LCA5: variants seen among roughly 807,000 people sequenced by gnomAD.
The protein encoded by LCA5 is lebercilin LCA5.
LCA5 carries 37 observed loss-of-function variants against 53.0 expected under a neutral mutation model. The ratio of observed to expected loss-of-function variants is 0.70; its 90% confidence interval spans 0.54 to 0.92. The LOEUF is 0.92. LCA5 is among the 40% of genes least tolerant of loss of function. LCA5 has a pLI of 0.00. For missense variants in LCA5, 806 were observed against 790.5 expected (o/e 1.02, Z -0.23); for synonymous variants, 303 against 282.9 (o/e 1.07, Z -0.71).
intron 3 of LCA5, among the ~76,000 whole-genome samples, chr6:79,505,426 A>G (rs765010267): frequency 7.2e-5 from 11 of 152,312 alleles, no homozygotes; most frequent in Non-Finnish European, 8.8e-5. Context: ...ACATTAAATA[A>G]TAGATATAAT....
intron 3 of LCA5, among the ~76,000 whole-genome samples, chr6:79,497,745 C>T (rs1053995121): frequency 5.3e-5 from 8 of 151,936 alleles, no homozygotes; most frequent in East Asian, 1.9e-4. Flanking sequence ...GAGGCCGACG[C>T]GGGCAGATCA....
chr6:79,537,764 T>G (rs1767200484), upstream of LCA5, among the ~76,000 whole-genome samples: 1 of 152,180 alleles, frequency 6.6e-6, no homozygotes, highest in Non-Finnish European at 1.5e-5. Context: ...TGTAAAACAC[T>G]TAACAATTGC....
At chr6:79,515,981 AC>A (rs2127681527) in intron 2 of LCA5, among the ~76,000 whole-genome samples, 1 of 152,160 alleles carries the variant, frequency 6.6e-6, no homozygotes, top group Non-Finnish European at 1.5e-5. Context: ...GGTAGCCCAA[AC>A]TGGGATATGC....
chr6:79,508,505 A>T (rs1336295441), intron 3 of LCA5, among the ~76,000 whole-genome samples: 2 of 151,630 alleles, frequency 1.3e-5, no homozygotes, highest in African/African-American at 2.4e-5. Flanking sequence ...AGGAATTGCA[A>T]CTAGCAAGAA....
intron 3 of LCA5, among the ~76,000 whole-genome samples, chr6:79,494,781 C>T (rs1049008865): frequency 6.6e-6 from 1 of 152,092 alleles, no homozygotes; most frequent in South Asian, 2.1e-4. Context: ...TATTAGGGTG[C>T]TCCAATTTTT....
chr6:79,506,100 A>AAAGTTTATT (rs1770265839), intron 3 of LCA5, among the ~76,000 whole-genome samples: 2 of 152,170 alleles, frequency 1.3e-5, no homozygotes, highest in South Asian at 4.1e-4. Context: ...CTGAAAGAAA[A>AAAGTTTATT]AAGTTTATTC....
intron 3 of LCA5, among the ~76,000 whole-genome samples, chr6:79,510,464 G>A (rs920263469): frequency 6.6e-5 from 10 of 152,014 alleles, no homozygotes; most frequent in Non-Finnish European, 1.3e-4. Flanking sequence ...ATTATACCTC[G>A]ATAAAGCTGG....
At chr6:79,520,371 AT>A (rs1397851647) in intron 1 of LCA5, among the ~76,000 whole-genome samples, 1 of 152,160 alleles carries the variant, frequency 6.6e-6, no homozygotes, top group Non-Finnish European at 1.5e-5. Flanking sequence ...CATTAAAAAA[AT>A]ACTGAAAATA....
chr6:79,487,594 G>A lies in LCA5; in HGVS notation c.1504C>T (p.Pro502Ser). Residue 502 changes from proline to serine, a missense_variant, in exon 8 of 8, where the codon CCA (proline) becomes TCA (serine). Physicochemically the swap from Pro to Ser is moderately conservative, Grantham distance 74 (BLOSUM62 -1). Coordinates refer to ENST00000369846, the MANE Select transcript of LCA5 (RefSeq NM_001122769.3). ...CTGTATGTTTTGGGGCTTCTCTCTG[G>A]GGAGTGTAGTTTTGATTCAAAATCA... ...LPDFESKLHS[P>S]ERSPKTYRFS... 1 of 1,613,924 alleles carries A rather than the reference G, an allele frequency of 6.2e-7. No individual in the cohort carries two copies. Among genetic ancestry groups the A allele is most frequent in the Non-Finnish European group, 8.5e-7 (1 of 1,179,910 alleles).
chr6:79,533,262 A>G (rs949288623), intron 1 of LCA5, among the ~76,000 whole-genome samples: 2 of 152,148 alleles, frequency 1.3e-5, no homozygotes, highest in African/African-American at 4.8e-5. Flanking sequence ...GATTAACAGG[A>G]CACTGAAGAT....
At chr6:79,489,831 A>C (rs1228849626) in intron 6 of LCA5, among the ~76,000 whole-genome samples, 2 of 152,038 alleles carry the variant, frequency 1.3e-5, no homozygotes, top group African/African-American at 2.4e-5. Context: ...GAATCCTTTG[A>C]GTTTTAGCAG....
chr6:79,519,116 T>C, intron 1 of LCA5, 31 bp from the exon 2 acceptor site: 1 of 586,570 alleles, frequency 1.7e-6, no homozygotes, highest in Non-Finnish European at 3.0e-6. Context: ...AGGAGACTTA[T>C]CATACAGTCT....
rs371962473 is a variant in LCA5 at position 79,487,186 on chromosome 6, T to C, written c.1912A>G (p.Asn638Asp). The change falls in exon 8 of 8, where the codon AAT becomes GAT. Residue 638 changes from asparagine to aspartate, a missense_variant. By Grantham distance (23) the Asn-to-Asp change is conservative (BLOSUM62 1). Transcript: ENST00000369846. ...ASSKGDIDPL[N>D]FLPGNKGSRD... is the part of the protein sequence containing the mutation. ...CTGCCTTTATTCCCAGGGAGAAAAT[T>C]TAGAGGGTCAATGTCTCCTTTACTG... 101 of 1,613,950 alleles carry C rather than the reference T, an allele frequency of 6.3e-5. 1 individual carries two copies. The highest frequency in any genetic ancestry group is 2.3e-4 in the Admixed American group (14 of 59,990).
Position 79,536,406 on chromosome 6 carries a change from G to A in LCA5, c.-192+759C>T, listed in dbSNP as rs577783766. On this transcript the variant is annotated intron_variant, in intron 1 of 7. Coordinates refer to ENST00000369846, the MANE Select transcript of LCA5 (RefSeq NM_001122769.3). The stretch of plus-strand genomic sequence containing the variant: ...AAAGGAGGGGAATAAATATGTATGT[G>A]CCCAAGTATACTTTCCAAAGAACAA... Among the ~76,000 whole-genome samples, 8 of 152,274 alleles carry A rather than the reference G, an allele frequency of 5.3e-5. No individual in the cohort carries two copies. In the South Asian group the frequency reaches 1.7e-3, roughly 32 times the overall value.
At chr6:79,521,743 T>C (rs911707483) in intron 1 of LCA5, among the ~76,000 whole-genome samples, 1 of 152,192 alleles carries the variant, frequency 6.6e-6, no homozygotes, top group Non-Finnish European at 1.5e-5. Flanking sequence ...ATCTAGTGTC[T>C]ATATGCCACT....
chr6:79,503,774 C>T (rs568790816), intron 3 of LCA5, among the ~76,000 whole-genome samples: 1 of 152,234 alleles, frequency 6.6e-6, no homozygotes, highest in Admixed American at 6.5e-5. Flanking sequence ...GGTGTATAAC[C>T]AGAATTTGAA....
chr6:79,498,146 A>T (rs1047063485), intron 3 of LCA5, among the ~76,000 whole-genome samples: 1 of 147,768 alleles, frequency 6.8e-6, no homozygotes, highest in Non-Finnish European at 1.5e-5. Context: ...AAAGAGCATG[A>T]TGTATGCAAG....
At chr6:79,498,355 C>T (rs1437852668) in intron 3 of LCA5, among the ~76,000 whole-genome samples, 1 of 151,782 alleles carries the variant, frequency 6.6e-6, no homozygotes, top group East Asian at 1.9e-4. Flanking sequence ...AAATTATTTC[C>T]ATATAAAATA....
At chr6:79,517,041 C>T (rs960055511) in intron 2 of LCA5, among the ~76,000 whole-genome samples, 2 of 151,934 alleles carry the variant, frequency 1.3e-5, no homozygotes, top group Non-Finnish European at 2.9e-5. Context: ...CTATCAAACA[C>T]GCAAACCCGA....
Sources: allele counts gnomAD v4.1 joint callset (sites outside exome capture counted in the v4.1 genomes callset), GRCh38; gene constraint gnomAD v4.1.1; transcripts MANE v1.5; gene names NCBI Gene and HGNC (gene_info 2026-07-23, HGNC 2026-07-21).